Variants in AKAP13 observed in about 807,000 individuals in gnomAD.
AKAP13 encodes A-kinase anchoring protein 13.
A neutral mutation model predicts 264.5 loss-of-function variants in AKAP13; 80 were observed. The observed-to-expected ratio is 0.30, with a 90% CI of 0.25 to 0.36. The LOEUF (loss-of-function observed/expected upper bound fraction) is 0.36. Ranked by LOEUF, AKAP13 falls within the 10% of genes least tolerant of loss-of-function variation. The probability of loss-of-function intolerance (pLI) is 1.00; values close to 1 mark genes in which losing one functional copy is unlikely to be tolerated. For missense variants in AKAP13, 3,712 were observed against 3,435.2 expected, an observed-to-expected ratio of 1.08 and a Z score of -2.01; for synonymous variants, 1,380 against 1,250.2, an observed-to-expected ratio of 1.10 and a Z score of -2.19.
Position 85,743,496 on chromosome 15 carries a change from C to G in AKAP13, c.8063C>G (p.Ser2688Cys). Reference sequence around the variant, plus strand: ...CCTTCTCTTGAATATGTACAGGTTTCCCATCCACATACCAAGCTGATGAGG... The same window carrying G: ...CCTTCTCTTGAATATGTACAGGTTTGCCATCCACATACCAAGCTGATGAGG... ...RQTERDLCQV[S>C]HPHTKLMRIP... is the part of the protein sequence containing the mutation. The change falls in exon 36 of 37, where the codon TCC (serine) becomes TGC (cysteine). Residue 2688 changes from serine (S) to cysteine (C), a missense_variant. Ser to Cys is a moderately radical substitution (Grantham distance 112, BLOSUM62 -1). This residue lies in a region of AKAP13 where 611 missense variants were observed against 539.3 expected (regional missense o/e 1.13). Transcript: ENST00000394518. The G allele has an allele frequency of 6.8e-6, 11 of 1,613,390 alleles. No individual in the cohort carries two copies. Among genetic ancestry groups the G allele is most frequent in the Non-Finnish European group, 9.3e-6 (11 of 1,179,496 alleles).
At chr15:85,684,941 C>T in intron 16 of AKAP13, 68 bp downstream of exon 16, 1 of 1,513,502 alleles carries the variant, frequency 6.6e-7, no homozygotes, top group Non-Finnish European at 8.9e-7. Flanking sequence ...GCATTCACAC[C>T]AAAACTGGTT....
intron 8 of AKAP13, among the ~76,000 whole-genome samples, chr15:85,630,920 C>T (rs552507879): frequency 2.0e-5 from 3 of 151,968 alleles, no homozygotes; most frequent in South Asian, 2.1e-4. Context: ...CAGTCCTAGG[C>T]GTATGCCCAG....
intron 8 of AKAP13, among the ~76,000 whole-genome samples, chr15:85,612,085 A>C (rs973441556): frequency 2.0e-5 from 3 of 152,184 alleles, no homozygotes; most frequent in African/African-American, 7.2e-5. Flanking sequence ...AAGCTTATTG[A>C]AGATTTAGGG....
At position 85,641,033 on chromosome 15, in the gene AKAP13, C is replaced by G. The variant is rs189425004; in HGVS notation, c.4237+1584C>G. On this transcript the variant is annotated intron_variant, in intron 9 of 36. Transcript: ENST00000394518. ...CAGAATTATGCTACTGAGCTTCAGA[C>G]CTGAGATTTTGATTTTAGGCATAGT... 1.6e-3 allele frequency among the ~76,000 whole-genome samples: 248 copies of G among 152,226 alleles called. 3 individuals carry two copies. The highest frequency in any genetic ancestry group is 1.6e-3 in the Non-Finnish European group (110 of 68,012).
intron 5 of AKAP13, among the ~76,000 whole-genome samples, chr15:85,561,551 G>A (rs114557381): frequency 1.1e-3 from 163 of 152,254 alleles, no homozygotes; most frequent in African/African-American, 3.7e-3. Flanking sequence ...AAATTTATAC[G>A]TCTGTCTAGT....
rs1321395835 is a variant in AKAP13 at position 85,521,531 on chromosome 15, G to GTA, written c.138_139dup (p.Thr47IlefsTer23). ...GGTTCCACCCTCCGTCACTGTACAA[G>GTA]TACTCGGAAGGTCAGTTCTGATACA... On this transcript the variant is annotated frameshift_variant, in exon 3 of 37. Transcript: ENST00000394518. LOFTEE classifies it high-confidence loss of function. 6.2e-7 allele frequency: 1 copy of GTA among 1,614,166 alleles called. No homozygotes were observed. Among genetic ancestry groups the GTA allele is most frequent in the East Asian group, 2.2e-5 (1 of 44,872 alleles).
At chr15:85,667,089 A>G (rs574514482) in intron 13 of AKAP13, among the ~76,000 whole-genome samples, 37 of 152,340 alleles carry the variant, frequency 2.4e-4, no homozygotes, top group Admixed American at 2.4e-3. Context: ...GCAAGAATCT[A>G]ATGATACATT....
intron 8 of AKAP13, chr15:85,621,182 G>C (rs1399377733): frequency 6.6e-6 from 1 of 152,174 alleles, no homozygotes; most frequent in East Asian, 1.9e-4. Flanking sequence ...TTGGTCAAGT[G>C]AGGCTAAGGA....
At chr15:85,386,593 T>C (rs2070574748) in intron 1 of AKAP13, among the ~76,000 whole-genome samples, 1 of 152,150 alleles carries the variant, frequency 6.6e-6, no homozygotes, top group South Asian at 2.1e-4. Context: ...CCGGCTCGCC[T>C]AGAAGTTTTA....
Position 85,581,056 on chromosome 15 carries a change from A to G in AKAP13, c.2988A>G (p.Glu996=). ...CTGCCTTTCTTAAGGCAGAAACTGA[A>G]CATAACAAGGAAGTGGCCCCACAAG... ...ASSAFLKAET[E]HNKEVAPQVS... The change falls in exon 7 of 37, where the codon GAA becomes GAG. Residue 996 remains glutamate, a synonymous_variant. Coordinates refer to ENST00000394518, the MANE Select transcript of AKAP13 (RefSeq NM_007200.5). 6.2e-7 allele frequency: 1 copy of G among 1,614,036 alleles called. No homozygotes were observed. The highest frequency in any genetic ancestry group is 8.5e-7 in the Non-Finnish European group (1 of 1,179,954).
At chr15:85,447,830 A>G (rs2073952382) in intron 1 of AKAP13, among the ~76,000 whole-genome samples, 1 of 152,178 alleles carries the variant, frequency 6.6e-6, no homozygotes, top group Non-Finnish European at 1.5e-5. Context: ...TGCAGTGAGC[A>G]TTTGTGTGCA....
intron 16 of AKAP13, among the ~76,000 whole-genome samples, chr15:85,691,073 C>T (rs1208879905): frequency 1.3e-5 from 2 of 152,174 alleles, no homozygotes; most frequent in African/African-American, 4.8e-5. Context: ...CTGCCCACTT[C>T]AGAGTTATTG....
intron 17 of AKAP13, chr15:85,702,267 ACAC>A (rs2085968115): frequency 6.6e-6 from 1 of 152,182 alleles, no homozygotes; most frequent in Non-Finnish European, 1.5e-5. Context: ...ACACACACAC[ACAC>A]AAAAGGAGTG....
chr15:85,512,750 G>T (rs1198706163), intron 2 of AKAP13, among the ~76,000 whole-genome samples: 2 of 152,188 alleles, frequency 1.3e-5, no homozygotes, highest in Non-Finnish European at 2.9e-5. Flanking sequence ...AGAAAATGCA[G>T]TAGTATGTGC....
chr15:85,583,255 G>T (rs11635711), intron 7 of AKAP13: 4 of 874,804 alleles, frequency 4.6e-6, no homozygotes, highest in South Asian at 5.3e-5. Flanking sequence ...TTAAGAATGT[G>T]GGGGAGGGTT....
chr15:85,683,169 T>A (rs1378130452), intron 15 of AKAP13, among the ~76,000 whole-genome samples: 1 of 152,242 alleles, frequency 6.6e-6, no homozygotes, highest in East Asian at 1.9e-4. Context: ...TTTGCACTGC[T>A]TTTATAGCTT....
intron 4 of AKAP13, among the ~76,000 whole-genome samples, chr15:85,541,998 G>A (rs1388345921): frequency 6.6e-6 from 1 of 152,230 alleles, no homozygotes; most frequent in Non-Finnish European, 1.5e-5. Flanking sequence ...GTGGTTGTGG[G>A]AGGGTGGTAA....
intron 1 of AKAP13, chr15:85,382,076 A>G (rs916162464): frequency 6.6e-6 from 1 of 152,164 alleles, no homozygotes; most frequent in African/African-American, 2.4e-5. Context: ...TATTACACTT[A>G]ATTTGGTTTG....
intron 8 of AKAP13, among the ~76,000 whole-genome samples, chr15:85,638,261 T>A (rs2151469580): frequency 6.6e-6 from 1 of 152,346 alleles, no homozygotes; most frequent in East Asian, 1.9e-4. Flanking sequence ...TTTAATACTG[T>A]TGTGATCACA....
Sources: allele counts gnomAD v4.1 joint callset (sites outside exome capture counted in the v4.1 genomes callset), GRCh38; gene constraint gnomAD v4.1.1; regional missense constraint gnomAD v4.1.1; transcripts MANE v1.5; gene names NCBI Gene and HGNC (gene_info 2026-07-23, HGNC 2026-07-21).